CSMD1: variants seen among roughly 807,000 people sequenced by gnomAD.
The protein encoded by CSMD1 is CUB and Sushi multiple domains 1.
Under a neutral mutation model 417.5 loss-of-function variants are expected in CSMD1, and 213 were observed. The ratio of observed to expected loss-of-function variants is 0.51; its 90% CI spans 0.46 to 0.57. The LOEUF (loss-of-function observed/expected upper bound fraction) is 0.57, where lower values mean the gene tolerates loss of function less well. Among genes scored for constraint, CSMD1 ranks in the 20% least tolerant of loss-of-function variants. The pLI, the probability that CSMD1 is intolerant of heterozygous loss-of-function variation, is 0.00. For synonymous variants in CSMD1, 2,862 were observed against 1,736.8 expected (o/e 1.65, Z -16.11); for missense variants, 6,923 against 4,529.7 (o/e 1.53, Z -15.17).
At chr8:4,488,305 G>A (rs1038209011) in intron 2 of CSMD1, among the ~76,000 whole-genome samples, 25 of 152,192 alleles carry the variant, frequency 1.6e-4, no homozygotes, top group African/African-American at 6.0e-4. Flanking sequence ...ATAACCACAG[G>A]AGTAGTTAAC....
intron 26 of CSMD1, among the ~76,000 whole-genome samples, chr8:3,252,476 G>T (rs1347637012): frequency 6.6e-6 from 1 of 152,120 alleles, no homozygotes; most frequent in African/African-American, 2.4e-5. Context: ...GTATTTTATT[G>T]AGGATTTTTG....
chr8:4,787,774 C>T, intron 1 of CSMD1: 2 of 1,578,390 alleles, frequency 1.3e-6, no homozygotes, highest in Admixed American at 1.7e-5. Context: ...CTTCGCTGGA[C>T]TTGTTACAGG....
intron 3 of CSMD1, among the ~76,000 whole-genome samples, chr8:4,303,324 T>A (rs1377421526): frequency 2.6e-5 from 4 of 152,028 alleles, no homozygotes; most frequent in Non-Finnish European, 5.9e-5. Flanking sequence ...GACAAATGTA[T>A]TAAAGGAAGC....
intron 8 of CSMD1, among the ~76,000 whole-genome samples, chr8:3,602,212 C>A (rs368419265): frequency 1.3e-5 from 2 of 152,138 alleles, no homozygotes; most frequent in Non-Finnish European, 2.9e-5. Context: ...GGTCCATCTT[C>A]CTGACCAATT....
intron 3 of CSMD1, among the ~76,000 whole-genome samples, chr8:4,037,061 A>T (rs970880938): frequency 2.0e-5 from 3 of 152,042 alleles, no homozygotes; most frequent in Non-Finnish European, 4.4e-5. Flanking sequence ...AGCTGCTGAG[A>T]CAGCTCTGGC....
In CSMD1 at chr8:3,201,653, G is replaced by A. The variant is rs754940713; in HGVS notation, c.5057C>T (p.Ala1686Val). 6.2e-7 allele frequency: 1 copy of A among 1,606,380 alleles called. No individual in the cohort carries two copies. Among genetic ancestry groups the A allele is most frequent in the South Asian group, 1.1e-5 (1 of 89,048 alleles). ...DLAELFDGTHAQARLLSSLSG... is the reference protein window; with the variant it reads ...DLAELFDGTHVQARLLSSLSG... ...GAGTGAGCTGAGAAGTCTGGCCTGT[G>A]CATGGGTTCCATCAAATAATTCTGC... Residue 1686 changes from alanine (A) to valine (V), a missense_variant, in exon 32 of 70, where the codon GCA (alanine) becomes GTA (valine). Transcript: ENST00000635120.
chr8:4,238,626 A>G (rs960572616), intron 3 of CSMD1, among the ~76,000 whole-genome samples: 4 of 152,174 alleles, frequency 2.6e-5, no homozygotes, highest in Non-Finnish European at 5.9e-5. Flanking sequence ...AACAGGAAGA[A>G]TGAAACCAAT....
chr8:4,614,266 T>G (rs1362549464), intron 2 of CSMD1, among the ~76,000 whole-genome samples: 1 of 152,190 alleles, frequency 6.6e-6, no homozygotes, highest in Non-Finnish European at 1.5e-5. Flanking sequence ...GGCTACACAT[T>G]TGTGTTTCAC....
At chr8:3,813,041 T>C (rs1366028016) in intron 5 of CSMD1, among the ~76,000 whole-genome samples, 3 of 151,954 alleles carry the variant, frequency 2.0e-5, no homozygotes, top group South Asian at 2.1e-4. Context: ...CATTTAAAAA[T>C]TGAGTGTTGT....
chr8:4,284,042 G>C (rs1269870012), intron 3 of CSMD1, among the ~76,000 whole-genome samples: 1 of 152,116 alleles, frequency 6.6e-6, no homozygotes, highest in Admixed American at 6.5e-5. Flanking sequence ...AAACCAGGCT[G>C]GCCATCATTG....
At position 3,277,129 on chromosome 8, in the gene CSMD1, A is replaced by G. The variant is rs182927529; in HGVS notation, c.4153+7015T>C. On this transcript the variant is annotated intron_variant, in intron 26 of 69. Transcript: ENST00000635120. ...AGCTGAGAGAGGCTAGCATCTGAGT[A>G]GAGGTTTCTGTAGGCTTTGCCAGAG... Among the ~76,000 whole-genome samples the G allele has an allele frequency of 2.9e-4, 44 of 152,232 alleles. No individual in the cohort carries two copies. In the East Asian group the frequency reaches 7.6e-3, roughly 26 times the overall value.
At position 3,926,014 on chromosome 8, in the gene CSMD1, TACACACAC is replaced by T. The variant is rs10635075; in HGVS notation, c.818+71881_818+71888del. 6.5e-3 allele frequency among the ~76,000 whole-genome samples: 796 copies of T among 123,230 alleles called. 4 individuals are homozygous for T. The highest frequency in any genetic ancestry group is 0.01 in the Non-Finnish European group (617 of 60,154). 80.8% of individuals were successfully genotyped at this position (123,230 alleles called of 152,430 possible). On this transcript the variant is annotated intron_variant, in intron 5 of 69. Transcript: ENST00000635120. ...ATGAAACTAATTGTCTATTTGTCTA[TACACACAC>T]ACACACACACACACACACACAAACA...
chr8:3,838,148 ACT>A (rs1400117408), intron 5 of CSMD1, among the ~76,000 whole-genome samples: 1 of 152,126 alleles, frequency 6.6e-6, no homozygotes, highest in African/African-American at 2.4e-5. Flanking sequence ...AGAGTCCTAT[ACT>A]AAGTATTGCA....
chr8:3,716,723 A>G (rs1373768104), intron 6 of CSMD1, among the ~76,000 whole-genome samples: 1 of 152,102 alleles, frequency 6.6e-6, no homozygotes, highest in Non-Finnish European at 1.5e-5. Flanking sequence ...TACTTTCTCC[A>G]GCCCCTATTC....
At chr8:3,601,216 A>C (rs1801346393) in intron 8 of CSMD1, among the ~76,000 whole-genome samples, 1 of 152,114 alleles carries the variant, frequency 6.6e-6, no homozygotes, top group Non-Finnish European at 1.5e-5. Flanking sequence ...CATTGGCCTC[A>C]CATCTTTATT....
intron 5 of CSMD1, among the ~76,000 whole-genome samples, chr8:3,797,188 T>C (rs1047757237): frequency 1.3e-4 from 20 of 151,920 alleles, no homozygotes; most frequent in African/African-American, 4.6e-4. Context: ...ACTTGAAATG[T>C]CAAAGAACTT....
chr8:3,761,238 G>C (rs1427477692), intron 5 of CSMD1, among the ~76,000 whole-genome samples: 2 of 152,032 alleles, frequency 1.3e-5, no homozygotes, highest in East Asian at 3.9e-4. Context: ...GTTAAAAGAA[G>C]GTCTATGTGT....
intron 37 of CSMD1, among the ~76,000 whole-genome samples, chr8:3,163,368 G>A (rs566556020): frequency 3.0e-4 from 46 of 151,994 alleles, no homozygotes; most frequent in African/African-American, 1.0e-3. Context: ...CTCTCAGAAA[G>A]GAAGCTGGGG....
intron 36 of CSMD1, among the ~76,000 whole-genome samples, chr8:3,186,199 G>C (rs1486799655): frequency 6.6e-6 from 1 of 152,014 alleles, no homozygotes; most frequent in East Asian, 1.9e-4. Flanking sequence ...TAATGAGAGA[G>C]GCCTTATCTT....
Sources: gnomAD v4.1 joint callset for allele counts (sites outside exome capture counted in the v4.1 genomes callset) on GRCh38, gnomAD v4.1.1 for gene constraint, MANE v1.5 for transcripts, NCBI Gene and HGNC (gene_info 2026-07-23, HGNC 2026-07-21) for gene names.